Variants in MALRD1 observed in about 807,000 individuals in gnomAD.
MALRD1 encodes MAM and LDL receptor class A domain containing 1.
A neutral mutation model predicts 242.1 loss-of-function variants in MALRD1; 247 were observed. The observed-to-expected ratio is 1.02, with a 90% confidence interval of 0.92 to 1.13. The LOEUF is 1.13. Ranked by LOEUF, MALRD1 falls within the 50% of genes most tolerant of loss-of-function variation. The pLI is 0.00. For missense variants in MALRD1, 2,989 were observed against 2,533.1 expected (o/e 1.18, Z -3.86); for synonymous variants, 995 against 866.6 (o/e 1.15, Z -2.60).
At chr10:19,719,213 C>CATATATATATAT (rs1351273405) in intron 38 of MALRD1, among the ~76,000 whole-genome samples, 1 of 85,436 alleles carries the variant, frequency 1.2e-5, no homozygotes, top group Non-Finnish European at 2.2e-5. Flanking sequence ...TATATATATA[C>CATATATATATAT]ACATACATAC....
At chr10:19,661,932 C>T (rs1426716058) in intron 36 of MALRD1, among the ~76,000 whole-genome samples, 1 of 152,128 alleles carries the variant, frequency 6.6e-6, no homozygotes, top group Non-Finnish European at 1.5e-5. Flanking sequence ...CCATGGCTAA[C>T]ACCTAGATGA....
At chr10:19,168,706 G>T (rs1834799647) in intron 13 of MALRD1, among the ~76,000 whole-genome samples, 1 of 152,198 alleles carries the variant, frequency 6.6e-6, no homozygotes, top group Non-Finnish European at 1.5e-5. Flanking sequence ...TAGATTCTGT[G>T]ATTTGGCTGC....
chr10:19,125,666 A>T (rs566290461), intron 7 of MALRD1, among the ~76,000 whole-genome samples: 25 of 151,338 alleles, frequency 1.7e-4, no homozygotes, highest in Non-Finnish European at 2.9e-4. Context: ...TATATTCTTT[A>T]TATGAAATTT....
At chr10:19,338,046 G>C (rs1843685880) in intron 24 of MALRD1, among the ~76,000 whole-genome samples, 1 of 138,866 alleles carries the variant, frequency 7.2e-6, no homozygotes, top group Non-Finnish European at 1.5e-5. Context: ...TGGTGACAGA[G>C]CAAGATTCTG....
At chr10:19,525,990 A>G (rs2131331342) in intron 31 of MALRD1, among the ~76,000 whole-genome samples, 1 of 152,304 alleles carries the variant, frequency 6.6e-6, no homozygotes, top group African/African-American at 2.4e-5. Context: ...TCATAGAGTC[A>G]TATAAATAAA....
intron 36 of MALRD1, among the ~76,000 whole-genome samples, chr10:19,679,349 C>A (rs1234400161): frequency 6.6e-6 from 1 of 152,158 alleles, no homozygotes; most frequent in Non-Finnish European, 1.5e-5. Context: ...TGTTATTGGT[C>A]TATTCAGGGA....
intron 10 of MALRD1, among the ~76,000 whole-genome samples, chr10:19,142,656 A>T (rs547293530): frequency 6.6e-6 from 1 of 152,344 alleles, no homozygotes; most frequent in East Asian, 1.9e-4. Flanking sequence ...ACAGAAAGTT[A>T]AAATAAAGGC....
intron 21 of MALRD1, among the ~76,000 whole-genome samples, chr10:19,288,549 A>T (rs1841252518): frequency 6.6e-6 from 1 of 151,870 alleles, no homozygotes; most frequent in South Asian, 2.1e-4. Flanking sequence ...ACATGGTAAT[A>T]ATTATTTTAA....
chr10:19,625,559 C>T (rs1408748870), intron 36 of MALRD1, among the ~76,000 whole-genome samples: 5 of 152,044 alleles, frequency 3.3e-5, no homozygotes, highest in South Asian at 2.1e-4. Context: ...CAGGCAGACC[C>T]GGGTTTGGAT....
At chr10:19,238,564 TAA>T (rs1320284692) in intron 18 of MALRD1, among the ~76,000 whole-genome samples, 3 of 122,164 alleles carry the variant, frequency 2.5e-5, no homozygotes, top group East Asian at 4.3e-4. Context: ...ATATTATATA[TAA>T]TATACATAAT....
intron 34 of MALRD1, among the ~76,000 whole-genome samples, chr10:19,600,875 A>G (rs2131575978): frequency 6.6e-6 from 1 of 152,034 alleles, no homozygotes; most frequent in Non-Finnish European, 1.5e-5. Flanking sequence ...TGAAATAACT[A>G]TTTTTGTTTG....
intron 28 of MALRD1, among the ~76,000 whole-genome samples, chr10:19,395,944 CCTTAGTTTAATTTAT>C (rs1452240661): frequency 6.6e-6 from 1 of 152,024 alleles, no homozygotes; most frequent in Non-Finnish European, 1.5e-5. Flanking sequence ...GATGCTAACA[CCTTAGTTTAATTTAT>C]CCCAGGAGCC....
chr10:19,228,455 T>C (rs1336693140), intron 18 of MALRD1, among the ~76,000 whole-genome samples: 2 of 152,230 alleles, frequency 1.3e-5, no homozygotes, highest in African/African-American at 2.4e-5. Flanking sequence ...TTCTGTATCT[T>C]GATCATGATT....
intron 21 of MALRD1, among the ~76,000 whole-genome samples, chr10:19,292,316 C>T (rs1841478356): frequency 6.6e-6 from 1 of 152,000 alleles, no homozygotes; most frequent in African/African-American, 2.4e-5. Flanking sequence ...TGGATCAAAA[C>T]AAAAACACAC....
At chr10:19,085,635 T>C (rs1388509385) in intron 2 of MALRD1, among the ~76,000 whole-genome samples, 2 of 151,968 alleles carry the variant, frequency 1.3e-5, no homozygotes, top group Non-Finnish European at 2.9e-5. Context: ...CCATAACACA[T>C]ACCAAATGAC....
intron 28 of MALRD1, among the ~76,000 whole-genome samples, chr10:19,447,563 G>T (rs1254546412): frequency 6.6e-6 from 1 of 152,110 alleles, no homozygotes; most frequent in Non-Finnish European, 1.5e-5. Context: ...GTGATCGTAT[G>T]CTCTTCTTTG....
chr10:19,064,700 G>T (rs971065666), intron 1 of MALRD1, among the ~76,000 whole-genome samples: 2 of 150,692 alleles, frequency 1.3e-5, no homozygotes, highest in African/African-American at 4.9e-5. Flanking sequence ...TAACCAGGAG[G>T]TGGAGGCTGT....
intron 12 of MALRD1, among the ~76,000 whole-genome samples, chr10:19,157,535 C>T (rs1219356946): frequency 6.6e-6 from 1 of 152,124 alleles, no homozygotes; most frequent in Admixed American, 6.5e-5. Context: ...GCGTGAGCCA[C>T]CGCACCCAGT....
chr10:19,245,781 G>T (rs1456615027), intron 18 of MALRD1, among the ~76,000 whole-genome samples: 1 of 152,164 alleles, frequency 6.6e-6, no homozygotes, highest in Non-Finnish European at 1.5e-5. Context: ...GATTCTGATG[G>T]TAAGAAAGAC....
Sources: gnomAD v4.1 joint callset for allele counts (sites outside exome capture counted in the v4.1 genomes callset) on GRCh38, gnomAD v4.1.1 for gene constraint, MANE v1.5 for transcripts, NCBI Gene and HGNC (gene_info 2026-07-23, HGNC 2026-07-21) for gene names.